SMAP2: variants seen among roughly 807,000 people sequenced by gnomAD.
SMAP2 encodes the protein small ArfGAP2.
In SMAP2, 25 loss-of-function variants were observed where a neutral mutation model predicts 56.4. That is an observed-to-expected ratio of 0.44 (90% CI 0.32 to 0.62). SMAP2 has a LOEUF of 0.62. Ranked by LOEUF, SMAP2 falls within the 20% of genes least tolerant of loss-of-function variation. The probability of loss-of-function intolerance (pLI) is 0.04; values close to 1 mark genes in which losing one functional copy is unlikely to be tolerated. For synonymous variants in SMAP2, 157 were observed against 181.7 expected (o/e 0.86, Z 1.09); for missense variants, 388 against 545.6 (o/e 0.71, Z 2.88).
intron 1 of SMAP2, among the ~76,000 whole-genome samples, chr1:40,390,438 C>T (rs975515173): frequency 2.0e-5 from 3 of 152,168 alleles, no homozygotes; most frequent in Non-Finnish European, 4.4e-5. Context: ...GAGCCTCTGC[C>T]TGGGTGAAAG....
chr1:40,395,460 T>A (rs1644761436), intron 1 of SMAP2, among the ~76,000 whole-genome samples: 1 of 152,024 alleles, frequency 6.6e-6, no homozygotes. Flanking sequence ...GGTGGGAAGA[T>A]CACTTGAGCC....
rs569708095 is a variant in SMAP2 at position 40,351,134 on chromosome 1, C to G, written c.-83+6224C>G. ...CATTTTCTGGTGCCTTCTGGAGCAC[C>G]CCAGCTTTGATGGGGAGCTGGTGGG... On this transcript the variant is annotated intron_variant, in intron 1 of 6. Coordinates refer to the SMAP2 transcript ENST00000435168. Among the ~76,000 whole-genome samples the G allele has an allele frequency of 1.0e-3, 157 of 152,272 alleles. 1 individual carries two copies. The highest frequency in any genetic ancestry group is 3.7e-3 in the Admixed American group (56 of 15,274).
exon 1 of SMAP2, chr1:40,344,904 A>G (rs980335992): frequency 2.0e-5 from 3 of 150,170 alleles, no homozygotes; most frequent in Non-Finnish European, 4.5e-5. Flanking sequence ...AACTGTCACA[A>G]CTCCAGGTTA....
rs1644908784 is a variant in SMAP2, at chr1:40,408,743, C to A, written c.323+5C>A. 1 of 1,612,396 alleles carries A rather than the reference C, an allele frequency of 6.2e-7. No homozygotes were observed. ...TCGGCGACCTCAGATAGACCCGTAT[C>A]TTTTCTGGAGCAACTTAGAAGGCTG... On this transcript the variant is annotated splice_donor_5th_base_variant and intron_variant, in intron 3 of 9. Transcript: ENST00000372718. This position sits in a 1 kb window ranked among gnomAD's most constrained non-coding sequence, Gnocchi z 4.3.
intron 1 of SMAP2, among the ~76,000 whole-genome samples, chr1:40,361,917 T>G (rs114232297): frequency 6.6e-6 from 1 of 152,136 alleles, no homozygotes; most frequent in Admixed American, 6.5e-5. Context: ...AGGATTCCAA[T>G]AGGAAGCCTG....
At position 40,422,413 on chromosome 1, in the gene SMAP2, C is replaced by T. The variant is rs1041452673; in HGVS notation, c.*312C>T. 1.1e-4 allele frequency: 35 copies of T among 309,250 alleles called. No homozygotes were observed. The highest frequency in any genetic ancestry group is 6.3e-4 in the African/African-American group (30 of 47,514). The allele number at this position is 309,250 out of a possible 1,614,324, so 19.2% of individuals were successfully genotyped here. A position where few individuals can be genotyped will look rare whatever the true frequency, so the allele number is the denominator to read the frequency against. Reference sequence around the variant, plus strand: ...AGTGTGCACACCTTTGAGTCCCTTCCCTCAAGGTTAAAGCTCCTGTCAGAC... The same window carrying T: ...AGTGTGCACACCTTTGAGTCCCTTCTCTCAAGGTTAAAGCTCCTGTCAGAC... On this transcript the variant is annotated 3_prime_UTR_variant, in exon 10 of 10. Coordinates refer to ENST00000372718, the MANE Select transcript of SMAP2 (RefSeq NM_022733.3).
At chr1:40,420,997 G>T (rs1449354888) in intron 9 of SMAP2, among the ~76,000 whole-genome samples, 3 of 151,024 alleles carry the variant, frequency 2.0e-5, no homozygotes, top group Non-Finnish European at 2.9e-5. Context: ...TTCTTATGAG[G>T]TGCCTCCTGA....
intron 1 of SMAP2, among the ~76,000 whole-genome samples, chr1:40,348,268 T>A (rs1404417980): frequency 6.6e-6 from 1 of 152,216 alleles, no homozygotes; most frequent in African/African-American, 2.4e-5. Context: ...GCGTTTGATA[T>A]GTATTTCTGA....
At chr1:40,361,675 A>G (rs1439248435) in intron 1 of SMAP2, among the ~76,000 whole-genome samples, 1 of 152,174 alleles carries the variant, frequency 6.6e-6, no homozygotes, top group East Asian at 1.9e-4. Flanking sequence ...TTGAATGAAC[A>G]TCAGCAGAAG....
At chr1:40,400,857 GT>G (rs1644826356) in intron 1 of SMAP2, among the ~76,000 whole-genome samples, 1 of 152,176 alleles carries the variant, frequency 6.6e-6, no homozygotes, top group Non-Finnish European at 1.5e-5. Context: ...TTGTTAGTCT[GT>G]GAGCTTTTTG....
intron 1 of SMAP2, among the ~76,000 whole-genome samples, chr1:40,362,145 A>C (rs973582724): frequency 2.0e-5 from 3 of 152,210 alleles, no homozygotes; most frequent in African/African-American, 7.2e-5. Context: ...ATCACAGTCA[A>C]GAGGGCCACT....
chr1:40,404,631 A>G (rs553854424), intron 1 of SMAP2, among the ~76,000 whole-genome samples: 2 of 152,374 alleles, frequency 1.3e-5, no homozygotes, highest in African/African-American at 4.8e-5. Flanking sequence ...AAACAAATAC[A>G]TCTTAACTTG....
chr1:40,358,364 G>A (rs1025099398), intron 1 of SMAP2, among the ~76,000 whole-genome samples: 4 of 152,106 alleles, frequency 2.6e-5, no homozygotes, highest in African/African-American at 9.7e-5. Flanking sequence ...CCAACGTGGT[G>A]AAACACTGTC....
rs573866513 is a variant in SMAP2, at chr1:40,384,941, G to T, written c.103+10718G>T. ...TTTCACTGCTGTGTTTGACTATTCC[G>T]TTTCCCACACTTTCTCCTTCCCTAC... is the stretch of plus-strand genomic sequence containing the variant. On this transcript the variant is annotated intron_variant, in intron 1 of 9. Coordinates refer to ENST00000372718, the MANE Select transcript of SMAP2 (RefSeq NM_022733.3). 2.2e-4 allele frequency among the ~76,000 whole-genome samples: 34 copies of T among 152,036 alleles called. 1 individual carries two copies. The South Asian group carries it at 6.9e-3, about 31-fold the overall frequency.
At chr1:40,360,009 T>A (rs1197301900) in intron 1 of SMAP2, among the ~76,000 whole-genome samples, 1 of 137,984 alleles carries the variant, frequency 7.2e-6, no homozygotes, top group African/African-American at 2.7e-5. Flanking sequence ...TCTTTCTTTT[T>A]TTTTTTTTTT....
chr1:40,385,815 G>A lies in SMAP2; in HGVS notation c.103+11592G>A, dbSNP rs1346394109. 2.0e-5 allele frequency among the ~76,000 whole-genome samples: 3 copies of A among 152,124 alleles called. No individual in the cohort carries two copies. The highest frequency in any genetic ancestry group is 2.1e-4 in the South Asian group (1 of 4,828). The stretch of plus-strand genomic sequence containing the variant: ...ATTTCACCTCAGTGGTCTGAAGTGC[G>A]CACACAGTACATTTTGTTCTTTAAC... On this transcript the variant is annotated intron_variant, in intron 1 of 9. Transcript: ENST00000372718. This position sits in a 1 kb window ranked among gnomAD's most constrained non-coding sequence, Gnocchi z 4.5.
rs765794932 is a variant in SMAP2, at chr1:40,374,158, A to G, written c.38A>G (p.Gln13Arg). The G allele has an allele frequency of 6.2e-7, 1 of 1,613,736 alleles. No homozygotes were observed. Among genetic ancestry groups the G allele is most frequent in the Admixed American group, 1.7e-5 (1 of 59,950 alleles). Residue 13 changes from glutamine (Q) to arginine (R), a missense_variant, in exon 1 of 10, where the codon CAG becomes CGG. Transcript: ENST00000372718. The surrounding 1 kb of genome is among the most constrained non-coding windows in gnomAD (Gnocchi z 5.9). ...GKSVKDVDRY[Q>R]AVLANLLLEE... ...TCGGTGAAGGACGTGGATCGGTACC[A>G]GGCTGTCCTGGCCAACCTGCTGCTG...
At chr1:40,399,452 G>C (rs1644808116) in intron 1 of SMAP2, among the ~76,000 whole-genome samples, 1 of 149,906 alleles carries the variant, frequency 6.7e-6, no homozygotes, top group Non-Finnish European at 1.5e-5. Context: ...GAGCCACCGT[G>C]CCTGGCCCAT....
In SMAP2 at chr1:40,409,989, C is replaced by T. The variant is rs552537598; in HGVS notation, c.402+154C>T. Among the ~76,000 whole-genome samples, 6 of 152,242 alleles carry T rather than the reference C, an allele frequency of 3.9e-5. No homozygotes were observed. The East Asian group carries it at 1.2e-3, about 29-fold the overall frequency. ...CAGGTGTGGTGGCTCATCCCCTAAT[C>T]CCATCACTTTGGGAGGCTGAGGTGG... On this transcript the variant is annotated intron_variant, in intron 4 of 9. Transcript: ENST00000372718.
Sources: gnomAD v4.1 joint callset for allele counts (sites outside exome capture counted in the v4.1 genomes callset) on GRCh38, gnomAD v4.1.1 for gene constraint, Gnocchi (gnomAD v3.1) non-coding constraint, MANE v1.5 for transcripts, NCBI Gene and HGNC (gene_info 2026-07-23, HGNC 2026-07-21) for gene names.